The following EEF2 variants were observed in gnomAD, a reference collection of about 807,000 sequenced individuals.
EEF2 encodes eukaryotic translation elongation factor 2, also known as elongation factor 2.
A neutral mutation model predicts 85.3 loss-of-function variants in EEF2; 21 were observed. That is an observed-to-expected ratio of 0.25 (90% confidence interval 0.17 to 0.35). EEF2 has a LOEUF of 0.35. Ranked by LOEUF, EEF2 falls within the 10% of genes least tolerant of loss-of-function variation. EEF2 has a pLI of 1.00. For synonymous variants in EEF2, 723 were observed against 508.8 expected (o/e 1.42, Z -5.67); for missense variants, 825 against 1,225.3 (o/e 0.67, Z 4.88).
chr19:3,985,032 G>A (rs1406303866), intron 1 of EEF2: 1 of 325,464 alleles, frequency 3.1e-6, no homozygotes, highest in Non-Finnish European at 5.6e-6. Context: ...TCAAACTCGC[G>A]GCCCGCGGGT....
In EEF2 at chr19:3,980,328, T is replaced by C. The variant is rs141058505; in HGVS notation, c.1346+186A>G. On this transcript the variant is annotated intron_variant, in intron 9 of 14. Coordinates refer to ENST00000309311, the MANE Select transcript of EEF2 (RefSeq NM_001961.4). Reference sequence around the variant, plus strand: ...AGATGAGCAGGGGTGTGCTGTGCCCTGGGGCTTGGAGCTTCTCCAGAAATG... The same window carrying C: ...AGATGAGCAGGGGTGTGCTGTGCCCCGGGGCTTGGAGCTTCTCCAGAAATG... Among the ~76,000 whole-genome samples the C allele has an allele frequency of 6.0e-4, 92 of 152,364 alleles. 1 individual carries two copies. The East Asian group carries it at 0.014, about 24-fold the overall frequency.
chr19:3,980,745 G>A (rs779564008), intron 8 of EEF2, 36 bp from the exon 9 acceptor site: 25 of 1,605,546 alleles, frequency 1.6e-5, no homozygotes, highest in Non-Finnish European at 2.0e-5. Flanking sequence ...CTTTATTCCA[G>A]TGCAGCTCAG....
Position 3,984,938 on chromosome 19 carries a change from G to A in EEF2, c.3+440C>T, listed in dbSNP as rs143613937. 454 of 189,466 alleles carry A rather than the reference G, an allele frequency of 2.4e-3. 8 individuals are homozygous for A. The highest frequency in any genetic ancestry group is 0.019 in the East Asian group (150 of 7,738). The allele number at this position is 189,466 out of a possible 1,614,324, so 11.7% of individuals were successfully genotyped here. On this transcript the variant is annotated intron_variant, in intron 1 of 14. Transcript: ENST00000309311. The stretch of plus-strand genomic sequence containing the variant: ...TAACAGCATCAGGAGAAGGTATTTG[G>A]AAGGAAAAGGGGAGCCTTTCAGGTG...
At position 3,985,455 on chromosome 19, in the gene EEF2, G is replaced by C; in HGVS notation, c.-75C>G. On this transcript the variant is annotated 5_prime_UTR_variant, in exon 1 of 15. Coordinates refer to ENST00000309311, the MANE Select transcript of EEF2 (RefSeq NM_001961.4). ...CGCGCCGAGGATGGCGGCGACGACG[G>C]CGGAAGAGAACGCTGACGTCAACAC... is the stretch of plus-strand genomic sequence containing the variant. 7.1e-7 allele frequency: 1 copy of C among 1,414,380 alleles called. No homozygotes were observed. Among genetic ancestry groups the C allele is most frequent in the Non-Finnish European group, 9.3e-7 (1 of 1,073,482 alleles). The allele number at this position is 1,414,380 out of a possible 1,614,324, so 87.6% of individuals were successfully genotyped here.
chr19:3,981,068 G>A lies in EEF2; in HGVS notation c.1012-89C>T, dbSNP rs548736193. Reference sequence around the variant, plus strand: ...CGCTTCCTCTCTTGAAGCCAAGGAAGCCAAAGTCAGGACTAACGTTCTCCA... The same window carrying A: ...CGCTTCCTCTCTTGAAGCCAAGGAAACCAAAGTCAGGACTAACGTTCTCCA... On this transcript the variant is annotated intron_variant, in intron 7 of 14. Transcript: ENST00000309311. The A allele has an allele frequency of 3.3e-5, 49 of 1,491,580 alleles. No homozygotes were observed. The African/African-American group carries it at 5.3e-4, about 16-fold the overall frequency. The allele number at this position is 1,491,580 out of a possible 1,614,324, so 92.4% of individuals were successfully genotyped here.
chr19:3,982,535 A>G (rs200824765), intron 4 of EEF2, 111 bp from the exon 5 acceptor site: 59 of 1,375,972 alleles, frequency 4.3e-5, no homozygotes, highest in Middle Eastern at 1.8e-4. Flanking sequence ...TTCAGTAGAC[A>G]TCTGGTCAAA....
Position 3,984,050 on chromosome 19 carries a change from T to C in EEF2, c.218+86A>G, listed in dbSNP as rs2039789665. 7 of 1,446,144 alleles carry C rather than the reference T, an allele frequency of 4.8e-6. No homozygotes were observed. In the African/African-American group the frequency reaches 8.4e-5, roughly 17 times the overall value. 89.6% of individuals were successfully genotyped at this position (1,446,144 alleles called of 1,614,324 possible). On this transcript the variant is annotated intron_variant, in intron 2 of 14. Coordinates refer to ENST00000309311, the MANE Select transcript of EEF2 (RefSeq NM_001961.4). ...ACCAGGGGAAAGAGACGTTGCCAAG[T>C]CTCTCCCCGCGCACCCTGGCCCAGT...
chr19:3,976,870 T>C (rs1599189725), intron 14 of EEF2, 123 bp from the exon 15 acceptor site: 2 of 1,173,714 alleles, frequency 1.7e-6, no homozygotes, highest in Non-Finnish European at 2.3e-6. Flanking sequence ...ACACTCGGCC[T>C]GGTGCCCAGC....
intron 1 of EEF2, 161 bp downstream of exon 1, chr19:3,985,217 C>T (rs1599200078): frequency 2.7e-6 from 2 of 748,072 alleles, no homozygotes; most frequent in Non-Finnish European, 3.8e-6. Flanking sequence ...GCGCGGCGCA[C>T]AGACATGGCG....
chr19:3,978,230 G>C, intron 11 of EEF2, 58 bp from the exon 12 acceptor site: 1 of 1,385,738 alleles, frequency 7.2e-7, no homozygotes, highest in Non-Finnish European at 9.5e-7. Context: ...CTTACACACA[G>C]ACGCATCCTT....
rs2039759963 is a variant in EEF2 at position 3,982,257 on chromosome 19, C to T, written c.780G>A (p.Leu260=). The T allele has an allele frequency of 1.2e-6, 2 of 1,614,044 alleles. No homozygotes were observed. Among genetic ancestry groups the T allele is most frequent in the African/African-American group, 2.7e-5 (2 of 74,942 alleles). Residue 260 remains leucine, a synonymous_variant, in exon 5 of 15, where the codon CTG becomes CTA. Coordinates refer to ENST00000309311, the MANE Select transcript of EEF2 (RefSeq NM_001961.4). Reference sequence around the variant, plus strand: ...CCCGCGGGGCTCACCTGTCACCCCACAGCTTCTTCATCATGTCCTCTACTT... The same window carrying T: ...CCCGCGGGGCTCACCTGTCACCCCATAGCTTCTTCATCATGTCCTCTACTT... ...AKKVEDMMKK[L]WGDRYFDPAN... is the part of the protein sequence containing the mutation.
rs36525 is a variant in EEF2, at chr19:3,980,826, A to G, written c.1150+15T>C. The G allele has an allele frequency of 0.82, 1,290,217 of 1,571,644 alleles. 531,565 individuals carry two copies. Among genetic ancestry groups the G allele is most frequent in the East Asian group, 0.99 (42,017 of 42,496 alleles). ...TCCGGCTGCATCTCAGGGCCCGGCCACCGGGACCACGTACCCATGGCAGCC... is the reference window on the plus strand; with the variant it reads ...TCCGGCTGCATCTCAGGGCCCGGCCGCCGGGACCACGTACCCATGGCAGCC... On this transcript the variant is annotated intron_variant, in intron 8 of 14. Transcript: ENST00000309311.
At chr19:3,979,525 G>T (rs1293495401) in intron 10 of EEF2, 89 bp from the exon 11 acceptor site, 5 of 1,167,982 alleles carry the variant, frequency 4.3e-6, no homozygotes, top group Non-Finnish European at 6.1e-6. Flanking sequence ...TAGGGACCCC[G>T]CCAGAACAAG....
At chr19:3,978,260 G>C (rs1413813182) in intron 11 of EEF2, 88 bp from the exon 12 acceptor site, 2 of 1,220,034 alleles carry the variant, frequency 1.6e-6, no homozygotes, top group East Asian at 5.4e-5. Context: ...TCCTAGCAAG[G>C]CGGACCTCAT....
rs1051668228 is a variant in EEF2 at position 3,976,352 on chromosome 19, T to TG, written c.*201dup. On this transcript the variant is annotated 3_prime_UTR_variant, in exon 15 of 15. Transcript: ENST00000309311. ...GTCCCTACTAAGAGGGCGTGTCTGC[T>TG]GCCTCCGGACTCTGGAAATAAATAT... 4 of 395,420 alleles carry TG rather than the reference T, an allele frequency of 1.0e-5. No homozygotes were observed. Among genetic ancestry groups the TG allele is most frequent in the Non-Finnish European group, 1.8e-5 (4 of 223,240 alleles). 24.5% of individuals were successfully genotyped at this position (395,420 alleles called of 1,614,324 possible).
chr19:3,982,981 G>A lies in EEF2; in HGVS notation c.438C>T (p.Ala146=), dbSNP rs768381477. The A allele has an allele frequency of 2.0e-5, 32 of 1,612,480 alleles. No homozygotes were observed. The highest frequency in any genetic ancestry group is 2.4e-5 in the Non-Finnish European group (28 of 1,179,978). The change falls in exon 4 of 15, where the codon GCC becomes GCT. Residue 146 remains alanine, a synonymous_variant. Transcript: ENST00000309311. ...CVQTETVLRQ[A]IAERIKPVLM... The stretch of plus-strand genomic sequence containing the variant: ...GCACAGGCTTGATGCGCTCGGCAAT[G>A]GCCTGCCGCAGCACTGTCTCCGTCT...
At chr19:3,982,515 G>A (rs767849154) in intron 4 of EEF2, 91 bp from the exon 5 acceptor site, 58 of 1,496,878 alleles carry the variant, frequency 3.9e-5, no homozygotes, top group African/African-American at 6.9e-5. Flanking sequence ...GGCCTCAGAC[G>A]CAGGCTTTCT....
intron 6 of EEF2, 37 bp from the exon 7 acceptor site, chr19:3,981,489 G>C: frequency 6.3e-7 from 1 of 1,585,964 alleles, no homozygotes; most frequent in South Asian, 1.1e-5. Context: ...AGCCCATTTG[G>C]GAACAGCAGG....
In EEF2 at chr19:3,977,082, A is replaced by G; in HGVS notation, c.2383+133T>C. On this transcript the variant is annotated intron_variant, in intron 14 of 14. Transcript: ENST00000309311. This position sits in a 1 kb window ranked among gnomAD's most constrained non-coding sequence, Gnocchi z 5.4. Reference sequence around the variant, plus strand: ...TTAGGGGGTCCACAAGCTGTCAGAAACTGGACCACCTGCTCCATCCATCAC... The same window carrying G: ...TTAGGGGGTCCACAAGCTGTCAGAAGCTGGACCACCTGCTCCATCCATCAC... The G allele has an allele frequency of 7.5e-7, 1 of 1,338,084 alleles. No individual in the cohort carries two copies. Among genetic ancestry groups the G allele is most frequent in the Non-Finnish European group, 1.0e-6 (1 of 992,874 alleles). 82.9% of individuals were successfully genotyped at this position (1,338,084 alleles called of 1,614,324 possible).
Sources: allele counts gnomAD v4.1 joint callset (sites outside exome capture counted in the v4.1 genomes callset), GRCh38; gene constraint gnomAD v4.1.1; non-coding constraint Gnocchi (gnomAD v3.1); transcripts MANE v1.5; gene names NCBI Gene and HGNC (gene_info 2026-07-23, HGNC 2026-07-21).